Variants in ATG2B observed in about 807,000 individuals in gnomAD.
The protein encoded by ATG2B is autophagy related 2B.
In ATG2B, 121 loss-of-function variants were observed where a neutral mutation model predicts 241.3. That is an observed-to-expected ratio of 0.50 (90% CI 0.43 to 0.58). The LOEUF is 0.58. Ranked by LOEUF, ATG2B falls within the 20% of genes least tolerant of loss-of-function variation. The pLI, the probability that ATG2B is intolerant of heterozygous loss-of-function variation, is 0.00. For missense variants in ATG2B, 2,306 were observed against 2,491.6 expected (o/e 0.93, Z 1.59); for synonymous variants, 858 against 876.6 (o/e 0.98, Z 0.37).
At chr14:96,318,886 G>A (rs1887385870) in intron 18 of ATG2B, among the ~76,000 whole-genome samples, 2 of 152,128 alleles carry the variant, frequency 1.3e-5, no homozygotes, top group South Asian at 4.1e-4. Context: ...GCACCCTCCT[G>A]AATTTTCTCG....
intron 11 of ATG2B, among the ~76,000 whole-genome samples, chr14:96,329,889 G>A (rs1887686650): frequency 6.6e-6 from 1 of 152,038 alleles, no homozygotes. Flanking sequence ...AAATCTTTCA[G>A]ATCTGTAAAA....
intron 6 of ATG2B, among the ~76,000 whole-genome samples, chr14:96,335,691 A>G (rs561255781): frequency 1.3e-5 from 2 of 152,222 alleles, no homozygotes; most frequent in East Asian, 3.9e-4. Flanking sequence ...TTTACGGGGC[A>G]CCTTCCTGAC....
intron 34 of ATG2B, among the ~76,000 whole-genome samples, chr14:96,299,586 G>T (rs144161224): frequency 1.5e-4 from 23 of 152,228 alleles, no homozygotes; most frequent in African/African-American, 5.5e-4. Context: ...ATGGATAATA[G>T]GCTAGCAGAG....
At position 96,329,869 on chromosome 14, in the gene ATG2B, T is replaced by C. The variant is rs146117806; in HGVS notation, c.1731-235A>G. 3.3e-5 allele frequency among the ~76,000 whole-genome samples: 5 copies of C among 152,302 alleles called. No individual in the cohort carries two copies. In the East Asian group the frequency reaches 9.6e-4, roughly 29 times the overall value. On this transcript the variant is annotated intron_variant, in intron 11 of 41. Transcript: ENST00000359933. ...GTCTTCCACATTTAAAAATTTACAT[T>C]GCAAAGGCAAAATCTTTCAGATCTG...
intron 6 of ATG2B, among the ~76,000 whole-genome samples, chr14:96,335,728 C>T (rs942776328): frequency 1.5e-4 from 23 of 152,210 alleles, no homozygotes; most frequent in Non-Finnish European, 8.8e-5. Flanking sequence ...CATGAGCCAA[C>T]CTAAGGCTGA....
At chr14:96,296,198 C>T (rs974351774) in intron 34 of ATG2B, among the ~76,000 whole-genome samples, 18 of 152,214 alleles carry the variant, frequency 1.2e-4, no homozygotes, top group Admixed American at 5.2e-4. Flanking sequence ...AATGACTTAA[C>T]TTCTGCTTTT....
intron 34 of ATG2B, among the ~76,000 whole-genome samples, chr14:96,296,861 G>T (rs912397663): frequency 2.0e-5 from 3 of 151,474 alleles, no homozygotes; most frequent in African/African-American, 7.3e-5. Context: ...TTAGTGGCAC[G>T]CCAAAACAGT....
Position 96,313,449 on chromosome 14 carries a change from A to G in ATG2B, c.3643-14T>C. 1 of 1,410,144 alleles carries G rather than the reference A, an allele frequency of 7.1e-7. No individual in the cohort carries two copies. Among genetic ancestry groups the G allele is most frequent in the Non-Finnish European group, 9.7e-7 (1 of 1,030,990 alleles). 87.4% of individuals were successfully genotyped at this position (1,410,144 alleles called of 1,614,324 possible). On this transcript the variant is annotated splice_polypyrimidine_tract_variant and intron_variant, in intron 23 of 41. Transcript: ENST00000359933. Reference sequence around the variant, plus strand: ...GAAGTATAAAATCTATAATCACAAAAAATTAAAACGCCCTGCTTTAGAAGA... The same window carrying G: ...GAAGTATAAAATCTATAATCACAAAGAATTAAAACGCCCTGCTTTAGAAGA...
chr14:96,344,843 T>C, intron 3 of ATG2B, 87 bp from the exon 4 acceptor site: 1 of 543,222 alleles, frequency 1.8e-6, no homozygotes, highest in Non-Finnish European at 3.1e-6. Flanking sequence ...ACTAGTTTGA[T>C]AAGAACTTTT....
At chr14:96,303,002 G>C (rs979670571) in intron 33 of ATG2B, 59 bp downstream of exon 33, 41 of 1,290,076 alleles carry the variant, frequency 3.2e-5, no homozygotes, top group Non-Finnish European at 4.0e-5. Context: ...CCTGAAGTTA[G>C]ATATAATAAA....
At chr14:96,358,993 A>C (rs1276546075) in intron 1 of ATG2B, among the ~76,000 whole-genome samples, 3 of 152,232 alleles carry the variant, frequency 2.0e-5, no homozygotes, top group Non-Finnish European at 4.4e-5. Context: ...AATAATCAGT[A>C]ATCAATGTTT....
rs939023850 is a variant in ATG2B, at chr14:96,320,485, C to CA, written c.2879+1626dup. ...CAATGCCTTCTGGGTACACTTTATG[C>CA]AAAAAAAAGACAAAATAGTCAGATG... On this transcript the variant is annotated intron_variant, in intron 18 of 41. Transcript: ENST00000359933. Among the ~76,000 whole-genome samples, 23 of 147,320 alleles carry CA rather than the reference C, an allele frequency of 1.6e-4. No homozygotes were observed. In the East Asian group the frequency reaches 3.0e-3, roughly 19 times the overall value.
intron 11 of ATG2B, among the ~76,000 whole-genome samples, chr14:96,330,521 T>C (rs958300889): frequency 2.6e-5 from 4 of 151,782 alleles, no homozygotes; most frequent in African/African-American, 9.7e-5. Context: ...CCCAGCACTT[T>C]GGGAGACCGA....
At chr14:96,356,375 G>T (rs1388686074) in intron 1 of ATG2B, among the ~76,000 whole-genome samples, 1 of 152,004 alleles carries the variant, frequency 6.6e-6, no homozygotes, top group Non-Finnish European at 1.5e-5. Context: ...CTTGCAAAAG[G>T]TCTTCAATTA....
At position 96,319,107 on chromosome 14, in the gene ATG2B, C is replaced by A. The variant is rs1021645618; in HGVS notation, c.2880-1252G>T. On this transcript the variant is annotated intron_variant, in intron 18 of 41. Coordinates refer to ENST00000359933, the MANE Select transcript of ATG2B (RefSeq NM_018036.7). ...GCCGCGTGGTGAGGCAGCCCTGCCC[C>A]CTTCTGTGAGAAGCCACTGCCAGGA... is the stretch of plus-strand genomic sequence containing the variant. Among the ~76,000 whole-genome samples the A allele has an allele frequency of 2.0e-5, 3 of 152,314 alleles. No individual in the cohort carries two copies. The South Asian group carries it at 6.2e-4, about 32-fold the overall frequency.
chr14:96,306,442 C>T (rs560153419), intron 30 of ATG2B, among the ~76,000 whole-genome samples: 4 of 152,110 alleles, frequency 2.6e-5, no homozygotes, highest in African/African-American at 4.8e-5. Context: ...TTTAATTTCA[C>T]GATCCTTGAA....
intron 29 of ATG2B, among the ~76,000 whole-genome samples, chr14:96,308,270 A>ATATATATATATGTATG (rs1555365543): frequency 3.6e-5 from 1 of 27,904 alleles, no homozygotes; most frequent in Non-Finnish European, 5.9e-5. Context: ...ATATATATAT[A>ATATATATATATGTATG]TATATATATA....
chr14:96,350,513 G>GAGCAAAC (rs1888286080), intron 1 of ATG2B, among the ~76,000 whole-genome samples: 1 of 152,184 alleles, frequency 6.6e-6, no homozygotes, highest in Admixed American at 6.5e-5. Context: ...AATTTCAGTG[G>GAGCAAAC]CATGGTGGAG....
chr14:96,350,762 G>C (rs965264222), intron 1 of ATG2B, among the ~76,000 whole-genome samples: 2 of 152,094 alleles, frequency 1.3e-5, no homozygotes, highest in Admixed American at 1.3e-4. Context: ...CTTTCTTCAT[G>C]CTGACATTTG....
Sources: allele counts gnomAD v4.1 joint callset (sites outside exome capture counted in the v4.1 genomes callset), GRCh38; gene constraint gnomAD v4.1.1; transcripts MANE v1.5; gene names NCBI Gene and HGNC (gene_info 2026-07-23, HGNC 2026-07-21).